The following FGGY variants were observed in gnomAD, a reference collection of about 807,000 sequenced individuals.
FGGY encodes FGGY carbohydrate kinase domain-containing protein.
In FGGY, 72 loss-of-function variants were observed where a neutral mutation model predicts 71.3. The observed-to-expected ratio is 1.01, with a 90% CI of 0.84 to 1.23. The LOEUF is 1.23. Among genes scored for constraint, FGGY ranks in the 50% most tolerant of loss-of-function variants. The pLI, the probability that FGGY is intolerant of heterozygous loss-of-function variation, is 0.00. For synonymous variants in FGGY, 251 were observed against 250.3 expected, an observed-to-expected ratio of 1.00 and a Z score of -0.02; for missense variants, 668 against 682.3, an observed-to-expected ratio of 0.98 and a Z score of 0.23.
chr1:59,348,966 T>C (rs1270378373), intron 4 of FGGY, among the ~76,000 whole-genome samples: 1 of 152,132 alleles, frequency 6.6e-6, no homozygotes, highest in Non-Finnish European at 1.5e-5. Flanking sequence ...GGGAGAGTTG[T>C]ATTAACCAGT....
At chr1:59,315,274 T>C (rs2045220470) in intron 1 of FGGY, among the ~76,000 whole-genome samples, 2 of 152,066 alleles carry the variant, frequency 1.3e-5, no homozygotes, top group Admixed American at 1.3e-4. Flanking sequence ...ATGTCTGCTT[T>C]TTTTTTTCCT....
rs3035371 is a variant in FGGY, at chr1:59,493,096, A to AACACACACACACACACACACAC, written c.671-19201_671-19180dup. On this transcript the variant is annotated intron_variant, in intron 6 of 15. Transcript: ENST00000303721. The stretch of plus-strand genomic sequence containing the variant: ...TAGGATGGCTACTATTACCAAACAA[A>AACACACACACACACACACACAC]ACACACACACACACACACACACACA... Among the ~76,000 whole-genome samples, 586 of 143,090 alleles carry AACACACACACACACACACACAC rather than the reference A, an allele frequency of 4.1e-3. 1 individual carries two copies. Among genetic ancestry groups the AACACACACACACACACACACAC allele is most frequent in the Middle Eastern group, 0.011 (3 of 284 alleles). 93.9% of individuals were successfully genotyped at this position (143,090 alleles called of 152,430 possible).
At chr1:59,311,755 C>G (rs564000647) in intron 1 of FGGY, among the ~76,000 whole-genome samples, 13 of 152,310 alleles carry the variant, frequency 8.5e-5, no homozygotes, top group Non-Finnish European at 1.9e-4. Flanking sequence ...TGGGTATATA[C>G]CCAGTAATGG....
chr1:59,642,521 A>G (rs1044443423), intron 11 of FGGY, among the ~76,000 whole-genome samples: 1 of 150,836 alleles, frequency 6.6e-6, no homozygotes, highest in Non-Finnish European at 1.5e-5. Context: ...GCTACTCAGG[A>G]GGCTGAGGCA....
chr1:59,382,350 T>C (rs924558150), intron 5 of FGGY, among the ~76,000 whole-genome samples: 2 of 152,190 alleles, frequency 1.3e-5, no homozygotes, highest in African/African-American at 4.8e-5. Context: ...TCATTCTTAA[T>C]GTCAGCAACC....
intron 7 of FGGY, among the ~76,000 whole-genome samples, chr1:59,513,363 G>A (rs1486975499): frequency 1.3e-5 from 2 of 152,210 alleles, no homozygotes; most frequent in Non-Finnish European, 2.9e-5. Flanking sequence ...CATTCTGTGT[G>A]TGTATACTTT....
intron 2 of FGGY, among the ~76,000 whole-genome samples, chr1:59,324,846 C>T (rs1471605597): frequency 1.3e-5 from 2 of 152,174 alleles, no homozygotes; most frequent in African/African-American, 2.4e-5. Flanking sequence ...CCCAGGATTA[C>T]GAGTGCCTTT....
intron 7 of FGGY, among the ~76,000 whole-genome samples, chr1:59,547,692 G>A (rs886222274): frequency 5.9e-5 from 9 of 152,178 alleles, no homozygotes; most frequent in Admixed American, 5.9e-4. Context: ...AGAACCTTTA[G>A]TCTTTACCAG....
intron 7 of FGGY, among the ~76,000 whole-genome samples, chr1:59,516,016 G>A (rs1010335303): frequency 6.6e-6 from 1 of 152,192 alleles, no homozygotes; most frequent in African/African-American, 2.4e-5. Context: ...GGCACAGGAA[G>A]GTGATAGTCC....
chr1:59,334,889 A>C lies in FGGY; in HGVS notation c.202-5069A>C, dbSNP rs1056466352. 2.0e-5 allele frequency among the ~76,000 whole-genome samples: 3 copies of C among 152,220 alleles called. No homozygotes were observed. In the South Asian group the frequency reaches 6.2e-4, roughly 31 times the overall value. On this transcript the variant is annotated intron_variant, in intron 2 of 15. Coordinates refer to ENST00000303721, the MANE Select transcript of FGGY (RefSeq NM_018291.5). ...AATAGAATTAATCGATAAATCTATT[A>C]TTCTACAACTTTAAAAATTATACAA...
chr1:59,413,941 A>G lies in FGGY; in HGVS notation c.554+35104A>G, dbSNP rs563399150. Among the ~76,000 whole-genome samples, 4 of 152,362 alleles carry G rather than the reference A, an allele frequency of 2.6e-5. 1 individual carries two copies. In the Middle Eastern group the frequency reaches 0.01, roughly 389 times the overall value. The stretch of plus-strand genomic sequence containing the variant: ...GCACCACTGTGCTCCAGCCTGGGCA[A>G]TAGAGTGAGATTTCATCTCAAAAAA... On this transcript the variant is annotated intron_variant, in intron 5 of 15. Transcript: ENST00000303721.
At chr1:59,653,387 G>C (rs2097185828) in intron 11 of FGGY, among the ~76,000 whole-genome samples, 1 of 152,120 alleles carries the variant, frequency 6.6e-6, no homozygotes, top group Non-Finnish European at 1.5e-5. Context: ...TCAGACTGCT[G>C]TGCTAGCAAT....
intron 2 of FGGY, among the ~76,000 whole-genome samples, chr1:59,329,005 A>G (rs1189721068): frequency 6.6e-6 from 1 of 152,254 alleles, no homozygotes; most frequent in Non-Finnish European, 1.5e-5. Context: ...AAGAATTACC[A>G]GAATGTGACA....
intron 5 of FGGY, among the ~76,000 whole-genome samples, chr1:59,415,104 A>G (rs372856841): frequency 3.9e-5 from 6 of 152,170 alleles, no homozygotes; most frequent in African/African-American, 1.4e-4. Flanking sequence ...TAACGGAGTT[A>G]CCCTCAGCTC....
intron 5 of FGGY, among the ~76,000 whole-genome samples, chr1:59,446,666 A>T (rs2071323901): frequency 6.6e-6 from 1 of 152,136 alleles, no homozygotes; most frequent in Non-Finnish European, 1.5e-5. Context: ...GCTTGGAAAA[A>T]CAGAGCCATC....
At chr1:59,546,798 G>A (rs2095533078) in intron 7 of FGGY, among the ~76,000 whole-genome samples, 1 of 151,848 alleles carries the variant, frequency 6.6e-6, no homozygotes, top group African/African-American at 2.4e-5. Context: ...ACCCTCCTTG[G>A]CCTCCCAAAG....
intron 4 of FGGY, among the ~76,000 whole-genome samples, chr1:59,363,230 C>T (rs1235281540): frequency 6.6e-6 from 1 of 152,260 alleles, no homozygotes; most frequent in African/African-American, 2.4e-5. Flanking sequence ...CATTAGGTGA[C>T]TACTAGTCAG....
intron 4 of FGGY, among the ~76,000 whole-genome samples, chr1:59,358,118 G>A (rs2054695533): frequency 6.6e-6 from 1 of 152,216 alleles, no homozygotes; most frequent in Non-Finnish European, 1.5e-5. Context: ...CTCATAGCGT[G>A]TAAACTGTCA....
intron 7 of FGGY, among the ~76,000 whole-genome samples, chr1:59,516,362 T>G (rs1221588603): frequency 6.6e-6 from 1 of 152,196 alleles, no homozygotes; most frequent in Non-Finnish European, 1.5e-5. Flanking sequence ...AGTGAACAAG[T>G]CAGGCAAAGT....
Sources: gnomAD v4.1 joint callset for allele counts (sites outside exome capture counted in the v4.1 genomes callset) on GRCh38, gnomAD v4.1.1 for gene constraint, MANE v1.5 for transcripts, NCBI Gene and HGNC (gene_info 2026-07-23, HGNC 2026-07-21) for gene names.